The following CACNA2D2 variants were observed in gnomAD, a reference collection of about 807,000 sequenced individuals.
CACNA2D2 encodes voltage-dependent calcium channel subunit alpha-2/delta-2.
CACNA2D2 carries 48 observed loss-of-function variants against 166.4 expected under a neutral mutation model. That is an observed-to-expected ratio of 0.29 (90% CI 0.23 to 0.37). CACNA2D2 has a LOEUF of 0.37. CACNA2D2 is among the 10% of genes least tolerant of loss of function. The pLI is 1.00. For missense variants in CACNA2D2, 1,122 were observed against 1,433.0 expected, an observed-to-expected ratio of 0.78 and a Z score of 3.50; for synonymous variants, 561 against 573.7, an observed-to-expected ratio of 0.98 and a Z score of 0.32.
intron 2 of CACNA2D2, among the ~76,000 whole-genome samples, chr3:50,461,265 C>T (rs555046731): frequency 1.3e-5 from 2 of 152,220 alleles, no homozygotes; most frequent in African/African-American, 4.8e-5. Flanking sequence ...CTCTCCATAG[C>T]AACTCAAGAA....
In CACNA2D2 at chr3:50,387,584, T is replaced by C; in HGVS notation, c.494A>G (p.Lys165Arg). The C allele has an allele frequency of 6.2e-7, 1 of 1,613,900 alleles. No homozygotes were observed. The highest frequency in any genetic ancestry group is 2.2e-5 in the East Asian group (1 of 44,890). ...GGTGCTCACCAGCTCAGCGTCAGCC[T>C]TGGCGTCATAGTACACGATGTCTTC... The part of the protein sequence containing the change: ...KEEDIVYYDA[K>R]ADAELDDPES... The change falls in exon 5 of 38, where the codon AAG (lysine) becomes AGG (arginine). Residue 165 changes from lysine to arginine, a missense_variant. This residue lies in a region of CACNA2D2 where 840 missense variants were observed against 1,166.8 expected (regional missense o/e 0.72). Transcript: ENST00000424201.
chr3:50,458,989 A>T (rs551971349), intron 2 of CACNA2D2, among the ~76,000 whole-genome samples: 2 of 152,214 alleles, frequency 1.3e-5, no homozygotes, highest in Non-Finnish European at 2.9e-5. Flanking sequence ...GTGTTAGTGT[A>T]TGTGGGGCTC....
At chr3:50,486,546 G>GC (rs915687072) in intron 1 of CACNA2D2, among the ~76,000 whole-genome samples, 6 of 152,082 alleles carry the variant, frequency 3.9e-5, no homozygotes, top group African/African-American at 1.2e-4. Flanking sequence ...AAGCTCACAG[G>GC]CCCCCCGAGG....
intron 2 of CACNA2D2, among the ~76,000 whole-genome samples, chr3:50,467,590 T>C (rs1317388034): frequency 6.6e-6 from 1 of 152,198 alleles, no homozygotes; most frequent in Non-Finnish European, 1.5e-5. Flanking sequence ...CGTGTGTGCA[T>C]AGCCTGCCTC....
In CACNA2D2 at chr3:50,477,394, C is replaced by T. The variant is rs575135228; in HGVS notation, c.207-1195G>A. On this transcript the variant is annotated intron_variant, in intron 1 of 37. Coordinates refer to ENST00000424201, the MANE Select transcript of CACNA2D2 (RefSeq NM_006030.4). Reference sequence around the variant, plus strand: ...TGAGTGGACAGGATGGACAGTTGGTCACGTGGCCCTCTATTCTCAGACCCA... The same window carrying T: ...TGAGTGGACAGGATGGACAGTTGGTTACGTGGCCCTCTATTCTCAGACCCA... Among the ~76,000 whole-genome samples the T allele has an allele frequency of 8.5e-5, 13 of 152,268 alleles. No individual in the cohort carries two copies. The South Asian group carries it at 2.7e-3, about 32-fold the overall frequency.
chr3:50,482,596 G>T (rs571791081), intron 1 of CACNA2D2, among the ~76,000 whole-genome samples: 1 of 152,350 alleles, frequency 6.6e-6, no homozygotes, highest in South Asian at 2.1e-4. Flanking sequence ...ATGGCACACA[G>T]GTCCATCCAG....
At chr3:50,405,717 T>C (rs763923528) in intron 3 of CACNA2D2, among the ~76,000 whole-genome samples, 4 of 151,966 alleles carry the variant, frequency 2.6e-5, no homozygotes, top group Non-Finnish European at 5.9e-5. Context: ...GACAACAAGG[T>C]CAGGGGCCCA....
chr3:50,483,756 C>T (rs1490075166), intron 1 of CACNA2D2, among the ~76,000 whole-genome samples: 10 of 152,172 alleles, frequency 6.6e-5, no homozygotes, highest in Non-Finnish European at 1.0e-4. Context: ...CTGAGGCCTC[C>T]ATGGACCATT....
chr3:50,364,817 A>T lies in CACNA2D2; in HGVS notation c.3292-11T>A. ...GTCTGAGGTATCTTCCTGCGGGGAGAGACAAGGAGCTGGTCGGCCTGGGCG... is the reference window on the plus strand; with the variant it reads ...GTCTGAGGTATCTTCCTGCGGGGAGTGACAAGGAGCTGGTCGGCCTGGGCG... On this transcript the variant is annotated splice_polypyrimidine_tract_variant and intron_variant, in intron 37 of 37. Coordinates refer to ENST00000424201, the MANE Select transcript of CACNA2D2 (RefSeq NM_006030.4). 1 of 1,612,472 alleles carries T rather than the reference A, an allele frequency of 6.2e-7. No individual in the cohort carries two copies. Among genetic ancestry groups the T allele is most frequent in the Non-Finnish European group, 8.5e-7 (1 of 1,179,628 alleles).
At chr3:50,369,169 C>T (rs1169670314) in intron 23 of CACNA2D2, among the ~76,000 whole-genome samples, 1 of 152,208 alleles carries the variant, frequency 6.6e-6, no homozygotes, top group African/African-American at 2.4e-5. Context: ...TTGGACACAC[C>T]CAGGGTGACA....
intron 2 of CACNA2D2, among the ~76,000 whole-genome samples, chr3:50,467,564 C>T (rs1394543472): frequency 1.3e-5 from 2 of 152,160 alleles, no homozygotes; most frequent in Non-Finnish European, 2.9e-5. Flanking sequence ...GGCATACGTA[C>T]ACACCTGCCC....
rs1202518149 is a variant in CACNA2D2 at position 50,366,817 on chromosome 3, C to G, written c.2589+14G>C. The G allele has an allele frequency of 1.2e-6, 2 of 1,612,696 alleles. No homozygotes were observed. The highest frequency in any genetic ancestry group is 1.7e-6 in the Non-Finnish European group (2 of 1,179,474). On this transcript the variant is annotated intron_variant, in intron 29 of 37. Coordinates refer to ENST00000424201, the MANE Select transcript of CACNA2D2 (RefSeq NM_006030.4). The surrounding 1 kb of genome is among the most constrained non-coding windows in gnomAD (Gnocchi z 5.9). ...GGCACTGCTGGGTTACTGCCCCCGC[C>G]CCTGCCCAAATACCTTCTGAGGCTG...
At chr3:50,446,433 A>C (rs576139465) in intron 2 of CACNA2D2, among the ~76,000 whole-genome samples, 8 of 152,318 alleles carry the variant, frequency 5.3e-5, no homozygotes, top group African/African-American at 1.9e-4. Flanking sequence ...ATGCATGAAC[A>C]CAGACCCTGT....
intron 2 of CACNA2D2, 116 bp from the exon 3 acceptor site, chr3:50,434,545 CCT>C (rs1339424010): frequency 2.6e-6 from 2 of 772,826 alleles, no homozygotes; most frequent in Non-Finnish European, 4.5e-6. Flanking sequence ...GCACCCAGAC[CCT>C]GTCTTTGGCC....
At chr3:50,458,936 G>A (rs373106808) in intron 2 of CACNA2D2, among the ~76,000 whole-genome samples, 3 of 152,324 alleles carry the variant, frequency 2.0e-5, no homozygotes, top group African/African-American at 4.8e-5. Flanking sequence ...CCAGCCCACC[G>A]ACCTCCATCA....
intron 23 of CACNA2D2, among the ~76,000 whole-genome samples, chr3:50,369,019 C>T (rs746242450): frequency 7.9e-5 from 12 of 152,348 alleles, no homozygotes; most frequent in East Asian, 3.9e-4. Context: ...GGCTTTTGAA[C>T]GTGTGCCACT....
Position 50,375,675 on chromosome 3 carries a change from T to G in CACNA2D2, c.1876A>C (p.Thr626Pro). 1 of 1,613,048 alleles carries G rather than the reference T, an allele frequency of 6.2e-7. No homozygotes were observed. Among genetic ancestry groups the G allele is most frequent in the South Asian group, 1.1e-5 (1 of 91,080 alleles). Residue 626 changes from threonine (T) to proline (P), a missense_variant, in exon 21 of 38, where the codon ACC (threonine) becomes CCC (proline). Physicochemically the swap from Thr to Pro is conservative, Grantham distance 38. Around this residue, in one of 2 missense-constraint regions of CACNA2D2, gnomAD observed 840 missense variants for 1,166.8 expected, o/e 0.72. Transcript: ENST00000424201. The surrounding 1 kb of genome is among the most constrained non-coding windows in gnomAD (Gnocchi z 4.0). ...TTAGTGCTCCTTATAGGCACCCAGG[T>G]GTAGTTCCGTGTCACCTCATCTATG... ...RYIDEVTRNY[T>P]WVPIRSTNYS...
At chr3:50,381,791 C>T (rs963952348) in intron 6 of CACNA2D2, among the ~76,000 whole-genome samples, 2 of 152,036 alleles carry the variant, frequency 1.3e-5, no homozygotes, top group African/African-American at 2.4e-5. Context: ...CCAGATGGAA[C>T]CCACCTGCCT....
In CACNA2D2 at chr3:50,365,698, A is replaced by T. The variant is rs2109400627; in HGVS notation, c.2916-10T>A. 1.3e-6 allele frequency: 2 copies of T among 1,591,780 alleles called. No homozygotes were observed. Among genetic ancestry groups the T allele is most frequent in the African/African-American group, 2.7e-5 (2 of 74,842 alleles). ...CTGCTGGAACAGGGACCTGCAGCGC[A>T]CGGGGAGCCGAGTGCAGGTGGTCAG... On this transcript the variant is annotated splice_polypyrimidine_tract_variant and intron_variant, in intron 33 of 37. Transcript: ENST00000424201. This position sits in a 1 kb window ranked among gnomAD's most constrained non-coding sequence, Gnocchi z 4.5.
Sources: gnomAD v4.1 joint callset for allele counts (sites outside exome capture counted in the v4.1 genomes callset) on GRCh38, gnomAD v4.1.1 for gene constraint, gnomAD v4.1.1 regional missense constraint, Gnocchi (gnomAD v3.1) non-coding constraint, MANE v1.5 for transcripts, NCBI Gene and HGNC (gene_info 2026-07-23, HGNC 2026-07-21) for gene names.